The following VIT variants were observed in gnomAD, a reference collection of about 807,000 sequenced individuals.
The protein encoded by VIT is vitrin.
A neutral mutation model predicts 78.0 loss-of-function variants in VIT; 99 were observed. That is an observed-to-expected ratio of 1.27 (90% confidence interval 1.08 to 1.50). The LOEUF is 1.50. Among genes scored for constraint, VIT ranks in the 40% most tolerant of loss-of-function variants. VIT has a pLI of 0.00. For synonymous variants in VIT, 374 were observed against 334.3 expected (o/e 1.12, Z -1.29); for missense variants, 1,126 against 875.3 (o/e 1.29, Z -3.61).
At chr2:36,771,254 T>G (rs6724349) in intron 7 of VIT, among the ~76,000 whole-genome samples, 145,613 of 152,296 alleles carry the variant, frequency 0.96, 69,976 homozygotes, top group East Asian at 1. Flanking sequence ...GCTTTGCCGG[T>G]CCCGGTGGCT....
At position 36,783,381 on chromosome 2, in the gene VIT, C is replaced by A. The variant is rs1186236255; in HGVS notation, c.889C>A (p.Pro297Thr). ...KEELSTQSLE[P>T]VSLGDPNCKI... ...AGAATTGAGCACACAGTCTTTGGAG[C>A]CAGTATCCCTGGGAGATCCAAGTAA... Residue 297 changes from proline to threonine, a missense_variant, in exon 11 of 16, where the codon CCA becomes ACA. Physicochemically the swap from Pro to Thr is conservative, Grantham distance 38. Coordinates refer to ENST00000379242, the MANE Select transcript of VIT (RefSeq NM_053276.4). The A allele has an allele frequency of 1.9e-6, 3 of 1,614,122 alleles. No individual in the cohort carries two copies. The African/African-American group carries it at 4.0e-5, about 22-fold the overall frequency.
chr2:36,712,284 G>T (rs760433650), intron 1 of VIT, among the ~76,000 whole-genome samples: 4 of 152,178 alleles, frequency 2.6e-5, no homozygotes, highest in South Asian at 2.1e-4. Context: ...TTCTGGTCAG[G>T]TTCCATTATT....
chr2:36,712,767 G>A (rs1461381499), intron 1 of VIT, among the ~76,000 whole-genome samples: 2 of 152,212 alleles, frequency 1.3e-5, no homozygotes, highest in Non-Finnish European at 2.9e-5. Flanking sequence ...CCCGGGAGGT[G>A]GACGTTGCAG....
chr2:36,788,622 G>T (rs1209288266), intron 12 of VIT, among the ~76,000 whole-genome samples: 2 of 152,088 alleles, frequency 1.3e-5, no homozygotes, highest in African/African-American at 4.8e-5. Flanking sequence ...GTATTTTCTG[G>T]TTTCAAAATG....
At chr2:36,698,874 G>A (rs1027699617) in intron 1 of VIT, among the ~76,000 whole-genome samples, 4 of 152,028 alleles carry the variant, frequency 2.6e-5, no homozygotes, top group African/African-American at 9.7e-5. Flanking sequence ...AACCTGGGAG[G>A]CAGAGGTTGC....
At chr2:36,700,646 G>A (rs1664992694) in intron 1 of VIT, among the ~76,000 whole-genome samples, 1 of 152,114 alleles carries the variant, frequency 6.6e-6, no homozygotes, top group Non-Finnish European at 1.5e-5. Context: ...AGAGGCTGAG[G>A]CAGGAAGATA....
intron 1 of VIT, among the ~76,000 whole-genome samples, chr2:36,697,250 A>C (rs1664734862): frequency 6.6e-6 from 1 of 152,258 alleles, no homozygotes; most frequent in African/African-American, 2.4e-5. Flanking sequence ...GGTTACAAAT[A>C]AGTTGAAAAG....
intron 1 of VIT, among the ~76,000 whole-genome samples, chr2:36,702,526 G>A (rs1224693193): frequency 6.6e-6 from 1 of 152,152 alleles, no homozygotes; most frequent in African/African-American, 2.4e-5. Flanking sequence ...CAAGCTTAAA[G>A]TCTCATCCTC....
At chr2:36,740,721 G>A (rs1667786247) in intron 3 of VIT, among the ~76,000 whole-genome samples, 1 of 152,044 alleles carries the variant, frequency 6.6e-6, no homozygotes, top group African/African-American at 2.4e-5. Context: ...GAAAAAAAAA[G>A]ACAAAATAAA....
At chr2:36,802,267 C>T (rs964488695) in intron 13 of VIT, among the ~76,000 whole-genome samples, 1 of 152,118 alleles carries the variant, frequency 6.6e-6, no homozygotes, top group Non-Finnish European at 1.5e-5. Flanking sequence ...AGAGCCCATG[C>T]CAGTGTATTC....
chr2:36,739,757 C>T (rs12712518), intron 3 of VIT, among the ~76,000 whole-genome samples: 107,359 of 151,928 alleles, frequency 0.71, 40,876 homozygotes, highest in Non-Finnish European at 0.84. Flanking sequence ...TGGGTGGGGT[C>T]GCAAAGGGAG....
intron 14 of VIT, among the ~76,000 whole-genome samples, 199 bp from the exon 15 acceptor site, chr2:36,808,273 C>G (rs1488255548): frequency 6.6e-6 from 1 of 152,232 alleles, no homozygotes; most frequent in African/African-American, 2.4e-5. Flanking sequence ...GGGAGTAGGA[C>G]TGAGTCCAGC....
In VIT at chr2:36,776,774, C is replaced by T. The variant is rs373110969; in HGVS notation, c.802+1707C>T. 2.0e-4 allele frequency among the ~76,000 whole-genome samples: 30 copies of T among 149,922 alleles called. 1 individual carries two copies. The East Asian group carries it at 5.2e-3, about 26-fold the overall frequency. On this transcript the variant is annotated intron_variant, in intron 9 of 15. Coordinates refer to ENST00000379242, the MANE Select transcript of VIT (RefSeq NM_053276.4). ...GGCGCCACTGCACTCCAACCTAGGT[C>T]ACAGAGTGAGACTCCATCTCAAAAA...
chr2:36,712,813 C>A lies in VIT; in HGVS notation c.-18-3540C>A, dbSNP rs190717230. ...TTGCAGCATTGCACTCCAGCCTGGG[C>A]GACAGAGCGAGACTCCGTCTCAATC... On this transcript the variant is annotated intron_variant, in intron 1 of 15. Transcript: ENST00000379242. Among the ~76,000 whole-genome samples the A allele has an allele frequency of 5.3e-5, 8 of 152,308 alleles. No individual in the cohort carries two copies. In the East Asian group the frequency reaches 1.5e-3, roughly 29 times the overall value.
intron 3 of VIT, 91 bp from the exon 4 acceptor site, chr2:36,743,009 A>G: frequency 6.5e-7 from 1 of 1,528,636 alleles, no homozygotes; most frequent in Non-Finnish European, 8.9e-7. Context: ...TGGCTTTTAG[A>G]GATTAAGTCA....
At chr2:36,774,867 A>G in intron 8 of VIT, 135 bp from the exon 9 acceptor site, 2 of 1,472,044 alleles carry the variant, frequency 1.4e-6, no homozygotes, top group Non-Finnish European at 1.8e-6. Flanking sequence ...CCCCAGAAGT[A>G]CAACCAGGCA....
rs904945669 is a variant in VIT at position 36,767,275 on chromosome 2, C to A, written c.669C>A (p.Ser223Arg). The A allele has an allele frequency of 1.3e-6, 2 of 1,568,594 alleles. No homozygotes were observed. The highest frequency in any genetic ancestry group is 1.9e-5 in the Admixed American group (1 of 52,464). ...IPRPQSVGHR[S>R]QEMDLWSTAT... ...GACCACAATCAGTGGGCCACAGGAG[C>A]CAGGAGATGGGTCAGTAGGTAGACC... is the stretch of plus-strand genomic sequence containing the variant. Residue 223 changes from serine (S) to arginine (R), a missense_variant, in exon 7 of 16, where the codon AGC becomes AGA. Ser to Arg is a moderately radical substitution (Grantham distance 110, BLOSUM62 -1). Transcript: ENST00000379242.
At chr2:36,740,577 A>T (rs1005774618) in intron 3 of VIT, among the ~76,000 whole-genome samples, 3 of 152,190 alleles carry the variant, frequency 2.0e-5, no homozygotes, top group African/African-American at 7.2e-5. Flanking sequence ...TTCAAAGTGC[A>T]TGAACACACG....
At chr2:36,773,232 T>G (rs1273038191) in intron 7 of VIT, among the ~76,000 whole-genome samples, 1 of 152,210 alleles carries the variant, frequency 6.6e-6, no homozygotes, top group Non-Finnish European at 1.5e-5. Flanking sequence ...AATATGGCAT[T>G]TGACTAAAAG....
Sources: allele counts gnomAD v4.1 joint callset (sites outside exome capture counted in the v4.1 genomes callset), GRCh38; gene constraint gnomAD v4.1.1; transcripts MANE v1.5; gene names NCBI Gene and HGNC (gene_info 2026-07-23, HGNC 2026-07-21).